The following CTNNA1 variants were observed in gnomAD, a reference collection of about 807,000 sequenced individuals.
The protein encoded by CTNNA1 is catenin alpha 1.
CTNNA1 carries 37 observed loss-of-function variants against 98.4 expected under a neutral mutation model. The observed-to-expected ratio is 0.38, with a 90% CI of 0.29 to 0.49. CTNNA1 has a LOEUF of 0.49. Ranked by LOEUF, CTNNA1 falls within the 20% of genes least tolerant of loss-of-function variation. The pLI is 0.95. For synonymous variants in CTNNA1, 404 were observed against 413.2 expected (o/e 0.98, Z 0.27); for missense variants, 761 against 1,147.2 (o/e 0.66, Z 4.86).
intron 9 of CTNNA1, among the ~76,000 whole-genome samples, chr5:138,890,023 T>C (rs113307761): frequency 1.1e-4 from 17 of 152,208 alleles, no homozygotes; most frequent in African/African-American, 3.4e-4. Context: ...AGGTAAAATA[T>C]TTCATTGTGA....
intron 3 of CTNNA1, among the ~76,000 whole-genome samples, chr5:138,798,361 A>G (rs769986695): frequency 3.9e-5 from 6 of 152,098 alleles, no homozygotes; most frequent in Non-Finnish European, 8.8e-5. Context: ...ACCCAGTTCC[A>G]ATACCTTATT....
intron 10 of CTNNA1, among the ~76,000 whole-genome samples, chr5:138,915,530 G>GT (rs1292406144): frequency 2.0e-5 from 3 of 152,196 alleles, no homozygotes; most frequent in Non-Finnish European, 4.4e-5. Flanking sequence ...CTTCTCAAAA[G>GT]TTTAAGCACA....
intron 5 of CTNNA1, among the ~76,000 whole-genome samples, chr5:138,816,494 A>G (rs1037454986): frequency 5.5e-4 from 84 of 152,260 alleles, no homozygotes; most frequent in African/African-American, 3.4e-4. Context: ...TCCCACCATC[A>G]GTGTATAAGA....
chr5:138,760,034 G>A (rs1193941400), intron 1 of CTNNA1, among the ~76,000 whole-genome samples: 7 of 113,480 alleles, frequency 6.2e-5, no homozygotes, highest in African/African-American at 1.7e-4. Flanking sequence ...CACTCTTGTC[G>A]CCCAGGCTGG....
At chr5:138,903,632 T>C (rs1245310248) in intron 9 of CTNNA1, among the ~76,000 whole-genome samples, 1 of 152,194 alleles carries the variant, frequency 6.6e-6, no homozygotes, top group Non-Finnish European at 1.5e-5. Flanking sequence ...AGCTGTATCA[T>C]TGAGATGGCT....
chr5:138,822,349 T>G (rs948458228), intron 5 of CTNNA1, among the ~76,000 whole-genome samples: 6 of 152,178 alleles, frequency 3.9e-5, no homozygotes, highest in Non-Finnish European at 7.4e-5. Flanking sequence ...GAAAGTCATG[T>G]GTTGAATAGT....
chr5:138,764,868 CTTTTTT>C (rs35354499), intron 1 of CTNNA1, among the ~76,000 whole-genome samples: 1 of 84,940 alleles, frequency 1.2e-5, no homozygotes, highest in Non-Finnish European at 2.1e-5. Flanking sequence ...GTATCTCTCT[CTTTTTT>C]TTTTTTTTTT....
intron 1 of CTNNA1, among the ~76,000 whole-genome samples, chr5:138,765,015 A>G (rs1580873907): frequency 6.6e-6 from 1 of 151,772 alleles, no homozygotes; most frequent in East Asian, 1.9e-4. Context: ...CTGGGATTAC[A>G]GGTGCCTGCC....
intron 7 of CTNNA1, among the ~76,000 whole-genome samples, chr5:138,837,533 C>A (rs1457793601): frequency 8.3e-6 from 1 of 120,660 alleles, no homozygotes; most frequent in Non-Finnish European, 1.8e-5. Flanking sequence ...CCCTCTCCTC[C>A]CCCCCCTTTC....
chr5:138,777,322 T>C (rs1482293530), intron 1 of CTNNA1, among the ~76,000 whole-genome samples: 46 of 149,426 alleles, frequency 3.1e-4, no homozygotes, highest in African/African-American at 1.2e-3. Context: ...GAGGCGCTCC[T>C]CACTTCCTAG....
At chr5:138,855,424 A>G (rs1416255027) in intron 7 of CTNNA1, among the ~76,000 whole-genome samples, 2 of 150,862 alleles carry the variant, frequency 1.3e-5, no homozygotes, top group Non-Finnish European at 3.0e-5. Flanking sequence ...TGGATGCAGG[A>G]AACTGCAAAG....
chr5:138,931,347 C>A (rs920704524), intron 16 of CTNNA1, among the ~76,000 whole-genome samples: 1 of 152,194 alleles, frequency 6.6e-6, no homozygotes, highest in African/African-American at 2.4e-5. Context: ...TACAAAAATA[C>A]GGTTCCTACC....
intron 6 of CTNNA1, among the ~76,000 whole-genome samples, chr5:138,826,889 C>T (rs1760775566): frequency 6.6e-6 from 1 of 152,174 alleles, no homozygotes; most frequent in Admixed American, 6.5e-5. Flanking sequence ...CCTTGAACTT[C>T]TGGGTTCAAG....
intron 7 of CTNNA1, among the ~76,000 whole-genome samples, chr5:138,831,265 A>G (rs550289103): frequency 1.3e-5 from 2 of 152,346 alleles, no homozygotes; most frequent in South Asian, 4.1e-4. Context: ...TGCACATTAC[A>G]GTCCTTGGGC....
chr5:138,776,913 C>G, intron 1 of CTNNA1, among the ~76,000 whole-genome samples: 1 of 132,966 alleles, frequency 7.5e-6, no homozygotes, highest in East Asian at 2.3e-4. Flanking sequence ...ACCCCCCCAC[C>G]TCCCTCCCGG....
intron 1 of CTNNA1, among the ~76,000 whole-genome samples, chr5:138,763,680 A>T (rs532179431): frequency 3.3e-5 from 5 of 152,330 alleles, no homozygotes; most frequent in Admixed American, 2.0e-4. Context: ...TGGTTTGTGA[A>T]ATATGATGGT....
chr5:138,789,531 C>T (rs1756117568), intron 3 of CTNNA1, among the ~76,000 whole-genome samples: 3 of 152,072 alleles, frequency 2.0e-5, no homozygotes, highest in South Asian at 2.1e-4. Flanking sequence ...TATCTTGGCT[C>T]GCTGCAACCT....
Position 138,873,708 on chromosome 5 carries a change from C to T in CTNNA1, c.1063-12504C>T. 1.9e-6 allele frequency: 3 copies of T among 1,613,982 alleles called. No homozygotes were observed. Among genetic ancestry groups the T allele is most frequent in the Non-Finnish European group, 2.5e-6 (3 of 1,179,872 alleles). On this transcript the variant is annotated intron_variant, in intron 7 of 17. Transcript: ENST00000302763. This position sits in a 1 kb window ranked among gnomAD's most constrained non-coding sequence, Gnocchi z 6.1. ...TCAAGGCTGTTTAACTTGTTGTTAT[C>T]CATGAGGAGTATTTTAAGATTGGGC...
chr5:138,880,817 G>C (rs1157113399), intron 7 of CTNNA1: 1 of 321,772 alleles, frequency 3.1e-6, no homozygotes, highest in African/African-American at 2.2e-5. Flanking sequence ...TAAGGGGTTA[G>C]TTTGCATGTT....
Sources: gnomAD v4.1 joint callset for allele counts (sites outside exome capture counted in the v4.1 genomes callset) on GRCh38, gnomAD v4.1.1 for gene constraint, Gnocchi (gnomAD v3.1) non-coding constraint, MANE v1.5 for transcripts, NCBI Gene and HGNC (gene_info 2026-07-23, HGNC 2026-07-21) for gene names.